The following CPT2 variants were observed in gnomAD, a reference collection of about 807,000 sequenced individuals.
CPT2 encodes carnitine palmitoyltransferase 2, also known as carnitine O-palmitoyltransferase 2, mitochondrial.
A neutral mutation model predicts 48.6 loss-of-function variants in CPT2; 37 were observed. The ratio of observed to expected loss-of-function variants is 0.76; its 90% CI spans 0.59 to 1.00. CPT2 has a LOEUF of 1.00. CPT2 is among the 50% of genes least tolerant of loss of function. CPT2 has a pLI of 0.00. For synonymous variants in CPT2, 319 were observed against 326.9 expected (o/e 0.98, Z 0.26); for missense variants, 772 against 825.6 (o/e 0.94, Z 0.80).
At chr1:53,205,712 T>C (rs556662360) in intron 3 of CPT2, among the ~76,000 whole-genome samples, 34 of 152,334 alleles carry the variant, frequency 2.2e-4, no homozygotes, top group African/African-American at 7.2e-4. Context: ...GGCCCTGCTG[T>C]TCTGTGCAGC....
At chr1:53,200,410 T>TC in intron 1 of CPT2, 2 of 334,834 alleles carry the variant, frequency 6.0e-6, no homozygotes, top group Non-Finnish European at 1.1e-5. Flanking sequence ...GCACAGGTGT[T>TC]ATCATTGTGA....
chr1:53,203,485 CTT>C (rs904968928), intron 3 of CPT2: 48 of 152,298 alleles, frequency 3.2e-4, no homozygotes, highest in African/African-American at 1.1e-3. Flanking sequence ...CATCTTTTCT[CTT>C]GTTTAGTTTT....
At chr1:53,209,287 G>C (rs111684954) in intron 3 of CPT2, 2 of 151,982 alleles carry the variant, frequency 1.3e-5, no homozygotes, top group Non-Finnish European at 2.9e-5. Context: ...TTGAGCCCAG[G>C]GTTCAAGGCT....
intron 4 of CPT2, among the ~76,000 whole-genome samples, chr1:53,211,737 A>G (rs1645429987): frequency 6.7e-6 from 1 of 148,994 alleles, no homozygotes; most frequent in Non-Finnish European, 1.5e-5. Flanking sequence ...TAGCTGGGAT[A>G]ATAGGCACCC....
chr1:53,206,642 G>A (rs748915040), intron 3 of CPT2, among the ~76,000 whole-genome samples: 8 of 152,376 alleles, frequency 5.3e-5, no homozygotes, highest in African/African-American at 1.9e-4. Context: ...TCAGGCTTGC[G>A]TGGGGCCTGT....
intron 3 of CPT2, chr1:53,207,995 A>C (rs914562939): frequency 6.6e-6 from 1 of 152,216 alleles, no homozygotes. Flanking sequence ...TACCAGTTGC[A>C]TAAGTGCTTT....
In CPT2 at chr1:53,211,162, C is replaced by T. The variant is rs139321501; in HGVS notation, c.1488C>T (p.His496=). ...YESCSTAAFK[H]GRTETIRPAS... ...CCTGTAGCACTGCCGCATTCAAGCACGGCCGCACTGAGACCATCCGCCCGG... is the reference window on the plus strand; with the variant it reads ...CCTGTAGCACTGCCGCATTCAAGCATGGCCGCACTGAGACCATCCGCCCGG... The change falls in exon 4 of 5, where the codon CAC becomes CAT. Residue 496 remains histidine, a synonymous_variant. Transcript: ENST00000371486. The T allele has an allele frequency of 5.0e-6, 8 of 1,611,510 alleles. No homozygotes were observed. The highest frequency in any genetic ancestry group is 1.7e-4 in the Middle Eastern group (1 of 6,054).
At chr1:53,200,663 C>A in intron 1 of CPT2, 56 bp from the exon 2 acceptor site, 2 of 1,313,708 alleles carry the variant, frequency 1.5e-6, no homozygotes, top group Non-Finnish European at 1.1e-6. Context: ...GCTTGTAAAG[C>A]TAATTAACCT....
chr1:53,199,680 G>A (rs1645343628), intron 1 of CPT2: 1 of 152,234 alleles, frequency 6.6e-6, no homozygotes, highest in Non-Finnish European at 1.5e-5. Context: ...TTCTGAGTAA[G>A]TCAGTGAATG....
At position 53,210,235 on chromosome 1, in the gene CPT2, C is replaced by T. The variant is rs767592132; in HGVS notation, c.561C>T (p.Thr187=). 5 of 1,614,072 alleles carry T rather than the reference C, an allele frequency of 3.1e-6. No homozygotes were observed. In the Admixed American group the frequency reaches 6.7e-5, roughly 22 times the overall value. The change falls in exon 4 of 5, where the codon ACC becomes ACT. Residue 187 remains threonine, a synonymous_variant. Coordinates refer to ENST00000371486, the MANE Select transcript of CPT2 (RefSeq NM_000098.3). ...ACCCTGCAAAAAGTGACACTATCAC[C>T]TTCAAGAGACTCATACGCTTTGTGC... The part of the protein sequence containing the change: ...HLNPAKSDTI[T]FKRLIRFVPS...
Position 53,202,435 on chromosome 1 carries a change from T to C in CPT2, c.340+6T>C, listed in dbSNP as rs375378513. On this transcript the variant is annotated splice_donor_region_variant and intron_variant, in intron 3 of 4. Transcript: ENST00000371486. The stretch of plus-strand genomic sequence containing the variant: ...ACATACAAGCTACATTTCGGGTAGG[T>C]AGGCTGGGCTGTGGGTATGATTTCT... The C allele has an allele frequency of 6.2e-6, 10 of 1,605,120 alleles. No individual in the cohort carries two copies. Among genetic ancestry groups the C allele is most frequent in the East Asian group, 2.2e-5 (1 of 44,846 alleles).
At chr1:53,207,533 C>T (rs1645396071) in intron 3 of CPT2, 1 of 152,280 alleles carries the variant, frequency 6.6e-6, no homozygotes, top group Non-Finnish European at 1.5e-5. Context: ...GCGATCTCAG[C>T]TCACTGCAAC....
intron 2 of CPT2, chr1:53,201,851 T>G (rs1645356207): frequency 5.6e-6 from 1 of 177,432 alleles, no homozygotes; most frequent in African/African-American, 2.4e-5. Flanking sequence ...TGGTAATAGC[T>G]ACCAGTTATT....
At chr1:53,209,540 C>T (rs1436235194) in intron 3 of CPT2, 1 of 192,798 alleles carries the variant, frequency 5.2e-6, no homozygotes, top group East Asian at 1.4e-4. Flanking sequence ...TATTAGGAGG[C>T]CGAGGCGGGT....
intron 2 of CPT2, chr1:53,201,111 G>A: frequency 2.4e-6 from 1 of 413,262 alleles, no homozygotes; most frequent in South Asian, 2.1e-5. Flanking sequence ...TGTACCCTTG[G>A]AAGGGAGGTC....
At chr1:53,209,384 A>G (rs1645406766) in intron 3 of CPT2, 1 of 153,786 alleles carries the variant, frequency 6.5e-6, no homozygotes, top group Non-Finnish European at 1.4e-5. Context: ...AATGTAATTC[A>G]TAATAAAGAG....
In CPT2 at chr1:53,213,931, C is replaced by CAAAAAAAA; in HGVS notation, c.*342_*343insAAAAAAAA. The CAAAAAAAA allele has an allele frequency of 3.5e-6, 1 of 286,196 alleles. No homozygotes were observed. The highest frequency in any genetic ancestry group is 2.2e-5 in the African/African-American group (1 of 44,996). 17.7% of individuals were successfully genotyped at this position (286,196 alleles called of 1,614,324 possible). ...ACAGAGCGAGACTGTCTCAAAAAAA[C>CAAAAAAAA]AAAAAAGAAAAAAAAACTGGGGCCT... On this transcript the variant is annotated 3_prime_UTR_variant, in exon 5 of 5. Coordinates refer to ENST00000371486, the MANE Select transcript of CPT2 (RefSeq NM_000098.3).
intron 4 of CPT2, chr1:53,212,711 G>T: frequency 2.5e-6 from 1 of 404,444 alleles, no homozygotes; most frequent in Non-Finnish European, 4.4e-6. Context: ...GTCCTTTCAT[G>T]TTGCTATGAA....
intron 1 of CPT2, among the ~76,000 whole-genome samples, chr1:53,199,156 G>A (rs1300897390): frequency 6.6e-6 from 1 of 152,022 alleles, no homozygotes; most frequent in Non-Finnish European, 1.5e-5. Context: ...TGCCTCCCGG[G>A]TTCAAAGGAT....
Sources: allele counts gnomAD v4.1 joint callset (sites outside exome capture counted in the v4.1 genomes callset), GRCh38; gene constraint gnomAD v4.1.1; transcripts MANE v1.5; gene names NCBI Gene and HGNC (gene_info 2026-07-23, HGNC 2026-07-21).